CFAP44: variants seen among roughly 807,000 people sequenced by gnomAD.
The protein encoded by CFAP44 is cilia and flagella associated protein 44.
In CFAP44, 134 loss-of-function variants were observed where a neutral mutation model predicts 216.2. The observed-to-expected ratio is 0.62, with a 90% confidence interval of 0.54 to 0.72. The LOEUF (loss-of-function observed/expected upper bound fraction) is 0.72, where lower values mean the gene tolerates loss of function less well. Among genes scored for constraint, CFAP44 ranks in the 30% least tolerant of loss-of-function variants. CFAP44 has a pLI of 0.00. For synonymous variants in CFAP44, 700 were observed against 727.6 expected (o/e 0.96, Z 0.61); for missense variants, 2,035 against 2,182.1 (o/e 0.93, Z 1.34).
At chr3:113,441,228 C>A (rs746996957) in intron 1 of CFAP44, among the ~76,000 whole-genome samples, 1 of 152,204 alleles carries the variant, frequency 6.6e-6, no homozygotes, top group East Asian at 1.9e-4. Context: ...GGCTTCCGCC[C>A]GGTCAGACTG....
Position 113,380,911 on chromosome 3 carries a change from T to A in CFAP44, c.2040A>T (p.Lys680Asn), listed in dbSNP as rs770085531. The part of the protein sequence containing the change: ...CIKCFHFSSV[K>N]SKILRLIEIE... The stretch of plus-strand genomic sequence containing the variant: ...GAATATTCCATACCAGAATCTTAGA[T>A]TTGACACTTGAAAAATGGAAACATT... The change falls in exon 16 of 35, where the codon AAA becomes AAT. Residue 680 changes from lysine to asparagine, a missense_variant. Lys to Asn is a moderately conservative substitution (Grantham distance 94). Around this residue, in one of 3 missense-constraint regions of CFAP44, gnomAD observed 1,883 missense variants for 2,023.7 expected, o/e 0.93. Transcript: ENST00000393845. 1 of 1,582,110 alleles carries A rather than the reference T, an allele frequency of 6.3e-7. No individual in the cohort carries two copies. The highest frequency in any genetic ancestry group is 8.6e-7 in the Non-Finnish European group (1 of 1,166,818).
intron 33 of CFAP44, among the ~76,000 whole-genome samples, chr3:113,295,038 G>A (rs1949867615): frequency 6.6e-6 from 1 of 152,198 alleles, no homozygotes; most frequent in African/African-American, 2.4e-5. Context: ...GGAGTAGGTA[G>A]AAATAAGATA....
At chr3:113,409,979 T>A (rs1934408465) in intron 6 of CFAP44, among the ~76,000 whole-genome samples, 1 of 152,140 alleles carries the variant, frequency 6.6e-6, no homozygotes, top group African/African-American at 2.4e-5. Flanking sequence ...GAACCCTAAG[T>A]TCCAGGAATT....
chr3:113,352,659 A>C (rs1462450607), intron 22 of CFAP44, among the ~76,000 whole-genome samples: 1 of 152,238 alleles, frequency 6.6e-6, no homozygotes, highest in African/African-American at 2.4e-5. Flanking sequence ...AAGAGGCTAA[A>C]ATTAAAAATA....
At chr3:113,365,139 A>G (rs1950575913) in intron 19 of CFAP44, among the ~76,000 whole-genome samples, 1 of 152,156 alleles carries the variant, frequency 6.6e-6, no homozygotes, top group South Asian at 2.1e-4. Context: ...ATGGGTTTCT[A>G]TAGAGAGGGT....
intron 6 of CFAP44, 79 bp downstream of exon 6, chr3:113,416,446 C>T: frequency 8.6e-7 from 1 of 1,164,208 alleles, no homozygotes; most frequent in Non-Finnish European, 1.2e-6. Flanking sequence ...AGAACCTTGA[C>T]TTATGAAATA....
intron 32 of CFAP44, among the ~76,000 whole-genome samples, chr3:113,301,535 T>A (rs1180868035): frequency 6.6e-6 from 1 of 152,188 alleles, no homozygotes; most frequent in East Asian, 1.9e-4. Context: ...AAAAGATAAT[T>A]ATCTTTATAC....
chr3:113,354,885 C>T (rs573988068), intron 22 of CFAP44, among the ~76,000 whole-genome samples: 19 of 152,174 alleles, frequency 1.2e-4, no homozygotes, highest in Non-Finnish European at 1.8e-4. Context: ...CAACACAAAA[C>T]GAGCACACTA....
rs935444192 is a variant in CFAP44 at position 113,294,802 on chromosome 3, C to G, written c.5258G>C (p.Arg1753Pro). Reference protein sequence around the residue: ...KMWEEKIAQMRWELMMKTKEH... With the variant: ...KMWEEKIAQMPWELMMKTKEH... ...TTTTGTCTTCATCATCAGTTCCCAT[C>G]GCATTTGAGCAATCTTTTCCTACCA... The change falls in exon 34 of 35, where the codon CGA (arginine) becomes CCA (proline). Residue 1753 changes from arginine to proline, a missense_variant. By Grantham distance (103) the Arg-to-Pro change is moderately radical (BLOSUM62 -2). Around this residue, in one of 3 missense-constraint regions of CFAP44, gnomAD observed 1,883 missense variants for 2,023.7 expected, o/e 0.93. Transcript: ENST00000393845. 2 of 1,532,490 alleles carry G rather than the reference C, an allele frequency of 1.3e-6. No homozygotes were observed. The highest frequency in any genetic ancestry group is 2.0e-5 in the Admixed American group (1 of 50,114). 94.9% of individuals were successfully genotyped at this position (1,532,490 alleles called of 1,614,324 possible). A position where few individuals can be genotyped will look rare whatever the true frequency, so the allele number is the denominator to read the frequency against.
At chr3:113,392,423 G>GT (rs1933868230) in intron 15 of CFAP44, among the ~76,000 whole-genome samples, 1 of 151,734 alleles carries the variant, frequency 6.6e-6, no homozygotes, top group African/African-American at 2.4e-5. Flanking sequence ...TGTGGCGGGG[G>GT]GTGGGGTGCA....
chr3:113,401,637 G>A lies in CFAP44; in HGVS notation c.1273C>T (p.Leu425Phe), dbSNP rs765093424. 3.1e-6 allele frequency: 5 copies of A among 1,613,360 alleles called. No individual in the cohort carries two copies. Among genetic ancestry groups the A allele is most frequent in the Admixed American group, 1.7e-5 (1 of 59,902 alleles). The change falls in exon 10 of 35, where the codon CTC becomes TTC. Residue 425 changes from leucine to phenylalanine, a missense_variant. Physicochemically the swap from Leu to Phe is conservative, Grantham distance 22. This residue lies in a region of CFAP44 where 1,883 missense variants were observed against 2,023.7 expected (regional missense o/e 0.93). Coordinates refer to ENST00000393845, the MANE Select transcript of CFAP44 (RefSeq NM_001164496.2). ...TCATTCATTTTTATCATAGAGAAGA[G>A]ATTCACATTCTTGTCTACTTGAAGT... ...NELQVDKNVN[L>F]FSMIKMNETG...
intron 17 of CFAP44, among the ~76,000 whole-genome samples, chr3:113,378,657 G>A (rs917677814): frequency 6.6e-6 from 1 of 152,138 alleles, no homozygotes; most frequent in African/African-American, 2.4e-5. Flanking sequence ...CTTTGCAGTA[G>A]ATCAATAGAA....
At chr3:113,367,368 T>A (rs1321397181) in intron 18 of CFAP44, among the ~76,000 whole-genome samples, 2 of 152,070 alleles carry the variant, frequency 1.3e-5, no homozygotes, top group Non-Finnish European at 2.9e-5. Context: ...AGAGGAAGGA[T>A]CAGGCAGCAA....
Position 113,414,939 on chromosome 3 carries a change from C to T in CFAP44, c.673+1586G>A, listed in dbSNP as rs562209773. On this transcript the variant is annotated intron_variant, in intron 6 of 34. Transcript: ENST00000393845. ...TGGAATAGTTTCAGAAGGAATGGTA[C>T]CAGCTCCTCTTTGTATTTCTAGTAG... Among the ~76,000 whole-genome samples, 24 of 152,218 alleles carry T rather than the reference C, an allele frequency of 1.6e-4. No individual in the cohort carries two copies. The East Asian group carries it at 4.6e-3, about 29-fold the overall frequency.
At chr3:113,314,897 T>C (rs1191891689) in intron 28 of CFAP44, among the ~76,000 whole-genome samples, 1 of 151,968 alleles carries the variant, frequency 6.6e-6, no homozygotes, top group Non-Finnish European at 1.5e-5. Context: ...GTATATATAA[T>C]GAAATATAAA....
At chr3:113,332,492 G>A (rs1476214090) in intron 25 of CFAP44, among the ~76,000 whole-genome samples, 1 of 152,154 alleles carries the variant, frequency 6.6e-6, no homozygotes, top group Non-Finnish European at 1.5e-5. Flanking sequence ...TAACCATGAT[G>A]TGATTGGCAC....
At chr3:113,418,689 G>A (rs1387727752) in intron 5 of CFAP44, among the ~76,000 whole-genome samples, 1 of 151,832 alleles carries the variant, frequency 6.6e-6, no homozygotes, top group African/African-American at 2.4e-5. Context: ...GTTAGGATTA[G>A]CTTTTGTTTT....
At chr3:113,366,437 C>T (rs1559925161) in intron 18 of CFAP44, 128 bp from the exon 19 acceptor site, 2 of 1,138,336 alleles carry the variant, frequency 1.8e-6, no homozygotes, top group South Asian at 3.3e-5. Context: ...CCCTAAAATT[C>T]CTATATTGAA....
At chr3:113,435,463 A>T (rs1426925734) in intron 1 of CFAP44, among the ~76,000 whole-genome samples, 1 of 152,082 alleles carries the variant, frequency 6.6e-6, no homozygotes. Context: ...AACTGCCCCC[A>T]TGATTCAGTT....
Sources: gnomAD v4.1 joint callset for allele counts (sites outside exome capture counted in the v4.1 genomes callset) on GRCh38, gnomAD v4.1.1 for gene constraint, gnomAD v4.1.1 regional missense constraint, MANE v1.5 for transcripts, NCBI Gene and HGNC (gene_info 2026-07-23, HGNC 2026-07-21) for gene names.